Variants in DLGAP1 observed in about 807,000 individuals in gnomAD.
The protein encoded by DLGAP1 is DLG associated protein 1.
Under a neutral mutation model 90.8 loss-of-function variants are expected in DLGAP1, and 11 were observed. The ratio of observed to expected loss-of-function variants is 0.12; its 90% confidence interval spans 0.08 to 0.20. The LOEUF is 0.20. Among genes scored for constraint, DLGAP1 ranks in the 10% least tolerant of loss-of-function variants. DLGAP1 has a pLI of 1.00. For missense variants in DLGAP1, 1,050 were observed against 1,333.8 expected, an observed-to-expected ratio of 0.79 and a Z score of 3.31; for synonymous variants, 558 against 540.7, an observed-to-expected ratio of 1.03 and a Z score of -0.44.
intron 7 of DLGAP1, among the ~76,000 whole-genome samples, chr18:3,668,801 C>T (rs1368266609): frequency 6.6e-6 from 1 of 152,080 alleles, no homozygotes; most frequent in Non-Finnish European, 1.5e-5. Flanking sequence ...AGTTCGAGGC[C>T]ATCCTGGGCA....
chr18:4,386,415 G>T (rs1323423071), intron 1 of DLGAP1, among the ~76,000 whole-genome samples: 3 of 152,114 alleles, frequency 2.0e-5, no homozygotes, highest in African/African-American at 7.2e-5. Context: ...ACTGACATTA[G>T]GGACTCAAAC....
intron 1 of DLGAP1, among the ~76,000 whole-genome samples, chr18:4,227,517 T>C (rs1168858917): frequency 6.6e-6 from 1 of 151,810 alleles, no homozygotes; most frequent in Non-Finnish European, 1.5e-5. Context: ...GACCACAATG[T>C]AATAAAACTA....
At chr18:4,231,667 C>T (rs990294424) in intron 1 of DLGAP1, among the ~76,000 whole-genome samples, 1 of 152,018 alleles carries the variant, frequency 6.6e-6, no homozygotes, top group African/African-American at 2.4e-5. Flanking sequence ...CTGGATCCTC[C>T]CATATCCTCT....
intron 1 of DLGAP1, among the ~76,000 whole-genome samples, chr18:4,361,460 G>A (rs1287658604): frequency 6.6e-6 from 1 of 152,096 alleles, no homozygotes; most frequent in Non-Finnish European, 1.5e-5. Context: ...TACATTAATG[G>A]TCAAATGATT....
intron 5 of DLGAP1, among the ~76,000 whole-genome samples, chr18:3,768,722 C>A (rs937279717): frequency 1.3e-5 from 2 of 152,114 alleles, no homozygotes; most frequent in Non-Finnish European, 2.9e-5. Flanking sequence ...GGTGCTGGAG[C>A]AATTGGACAT....
chr18:3,840,046 G>T (rs1452780332), intron 4 of DLGAP1, among the ~76,000 whole-genome samples: 4 of 152,166 alleles, frequency 2.6e-5, no homozygotes, highest in Non-Finnish European at 5.9e-5. Context: ...TTCCTCTAGC[G>T]CCAGCGTTGC....
chr18:4,300,526 T>A (rs1456958993), intron 1 of DLGAP1, among the ~76,000 whole-genome samples: 1 of 152,096 alleles, frequency 6.6e-6, no homozygotes, highest in East Asian at 1.9e-4. Context: ...CTTGCAATAC[T>A]CTAGAAATTT....
At chr18:3,932,455 C>T (rs2072540141) in intron 3 of DLGAP1, among the ~76,000 whole-genome samples, 1 of 152,214 alleles carries the variant, frequency 6.6e-6, no homozygotes, top group African/African-American at 2.4e-5. Context: ...GCTGTGATTT[C>T]AGCCTCTAAG....
intron 7 of DLGAP1, among the ~76,000 whole-genome samples, chr18:3,682,894 G>A (rs1322516083): frequency 6.9e-6 from 1 of 145,914 alleles, no homozygotes. Flanking sequence ...GTCTTGTTCT[G>A]TTGCTCAGGC....
intron 1 of DLGAP1, among the ~76,000 whole-genome samples, chr18:4,159,353 C>G (rs1204068358): frequency 6.6e-6 from 1 of 152,178 alleles, no homozygotes; most frequent in East Asian, 1.9e-4. Flanking sequence ...TTCTCCAATA[C>G]TGTAAACTCC....
chr18:4,147,114 A>T (rs2076597600), intron 2 of DLGAP1, among the ~76,000 whole-genome samples: 1 of 152,228 alleles, frequency 6.6e-6, no homozygotes, highest in African/African-American at 2.4e-5. Flanking sequence ...CAGAAAGCAT[A>T]ATTGTCCTAA....
chr18:3,729,675 C>A lies in DLGAP1; in HGVS notation c.1351-300G>T, dbSNP rs2062346804. Reference sequence around the variant, plus strand: ...CCACCCGCCTGGGCCTCCCAAAGTGCTGGGATTACAGGCATGAGCTACCAC... The same window carrying A: ...CCACCCGCCTGGGCCTCCCAAAGTGATGGGATTACAGGCATGAGCTACCAC... On this transcript the variant is annotated intron_variant, in intron 6 of 12. Coordinates refer to ENST00000315677, the MANE Select transcript of DLGAP1 (RefSeq NM_004746.4). The surrounding 1 kb of genome is among the most constrained non-coding windows in gnomAD (Gnocchi z 6.2). Among the ~76,000 whole-genome samples the A allele has an allele frequency of 6.6e-6, 1 of 152,070 alleles. No homozygotes were observed.
At chr18:4,032,056 AAAT>A (rs2074804778) in intron 2 of DLGAP1, among the ~76,000 whole-genome samples, 2 of 152,194 alleles carry the variant, frequency 1.3e-5, no homozygotes. Context: ...GCAAGGAATA[AAAT>A]AATAATAAAA....
At chr18:3,646,627 T>TA (rs1232473769) in intron 7 of DLGAP1, among the ~76,000 whole-genome samples, 1 of 152,154 alleles carries the variant, frequency 6.6e-6, no homozygotes, top group Non-Finnish European at 1.5e-5. Flanking sequence ...CATTGCTCTT[T>TA]AAAAAATATT....
intron 7 of DLGAP1, among the ~76,000 whole-genome samples, chr18:3,590,407 G>C (rs1037228094): frequency 6.6e-6 from 1 of 152,130 alleles, no homozygotes; most frequent in South Asian, 2.1e-4. Context: ...CTGAAATCCA[G>C]GTTCCCCCCT....
intron 10 of DLGAP1, among the ~76,000 whole-genome samples, chr18:3,513,149 T>A (rs1164606646): frequency 2.0e-5 from 3 of 152,206 alleles, no homozygotes; most frequent in African/African-American, 7.2e-5. Flanking sequence ...ACTGGCTTAT[T>A]CCACTTAGCA....
At chr18:3,835,893 T>C (rs1332652626) in intron 4 of DLGAP1, among the ~76,000 whole-genome samples, 1 of 152,202 alleles carries the variant, frequency 6.6e-6, no homozygotes, top group Non-Finnish European at 1.5e-5. Flanking sequence ...CATTCTTTTA[T>C]CAATTATTTA....
intron 5 of DLGAP1, among the ~76,000 whole-genome samples, chr18:3,790,357 T>G (rs529902723): frequency 6.6e-6 from 1 of 151,886 alleles, no homozygotes; most frequent in South Asian, 2.1e-4. Context: ...AGCCTCGAAC[T>G]CCTGGGCTCA....
In DLGAP1 at chr18:3,802,510, C is replaced by T. The variant is rs189000480; in HGVS notation, c.1172+11549G>A. 5.9e-5 allele frequency among the ~76,000 whole-genome samples: 9 copies of T among 152,330 alleles called. No individual in the cohort carries two copies. The East Asian group carries it at 1.2e-3, about 20-fold the overall frequency. ...TTATACTCAGACAAAATTCCTCCTC[C>T]GTAGTCTGTTGCCTCTCAGTGATTA... On this transcript the variant is annotated intron_variant, in intron 5 of 12. Coordinates refer to ENST00000315677, the MANE Select transcript of DLGAP1 (RefSeq NM_004746.4).
Sources: gnomAD v4.1 joint callset for allele counts (sites outside exome capture counted in the v4.1 genomes callset) on GRCh38, gnomAD v4.1.1 for gene constraint, Gnocchi (gnomAD v3.1) non-coding constraint, MANE v1.5 for transcripts, NCBI Gene and HGNC (gene_info 2026-07-23, HGNC 2026-07-21) for gene names.